LCLAT1: variants seen among roughly 807,000 people sequenced by gnomAD.
LCLAT1 encodes the protein 1-AGP acyltransferase 8.
A neutral mutation model predicts 30.7 loss-of-function variants in LCLAT1; 11 were observed. The observed-to-expected ratio is 0.36, with a 90% CI of 0.23 to 0.59. The LOEUF is 0.59. LCLAT1 is among the 20% of genes least tolerant of loss of function. The pLI is 0.77. For synonymous variants in LCLAT1, 155 were observed against 151.3 expected, an observed-to-expected ratio of 1.02 and a Z score of -0.18; for missense variants, 402 against 458.6, an observed-to-expected ratio of 0.88 and a Z score of 1.13.
intron 1 of LCLAT1, among the ~76,000 whole-genome samples, chr2:30,479,095 A>G (rs1683195191): frequency 6.6e-6 from 1 of 152,254 alleles, no homozygotes; most frequent in African/African-American, 2.4e-5. Context: ...TGGGATATTT[A>G]TACAGTGAAA....
intron 1 of LCLAT1, among the ~76,000 whole-genome samples, chr2:30,495,229 A>G (rs1417956659): frequency 6.6e-6 from 1 of 152,172 alleles, no homozygotes; most frequent in Non-Finnish European, 1.5e-5. Context: ...ACAAATCATT[A>G]TGTACATTCT....
chr2:30,491,364 C>G (rs975336583), intron 1 of LCLAT1, among the ~76,000 whole-genome samples: 1 of 152,198 alleles, frequency 6.6e-6, no homozygotes, highest in Non-Finnish European at 1.5e-5. Flanking sequence ...TAACTCAATA[C>G]TTATCCTAAG....
chr2:30,527,022 TC>T (rs1685753220), intron 2 of LCLAT1, among the ~76,000 whole-genome samples: 1 of 152,154 alleles, frequency 6.6e-6, no homozygotes, highest in Non-Finnish European at 1.5e-5. Context: ...CCACTATCAC[TC>T]TCTATTTACA....
At chr2:30,474,080 T>C (rs1461868656) in intron 1 of LCLAT1, among the ~76,000 whole-genome samples, 1 of 152,184 alleles carries the variant, frequency 6.6e-6, no homozygotes, top group Admixed American at 6.5e-5. Context: ...GAAAAACTCA[T>C]AATCAGGGAA....
intron 5 of LCLAT1, among the ~76,000 whole-genome samples, chr2:30,599,702 C>T (rs1310563210): frequency 6.6e-6 from 1 of 152,034 alleles, no homozygotes; most frequent in Non-Finnish European, 1.5e-5. Flanking sequence ...TTATATAATG[C>T]CCTTCTTTGT....
chr2:30,640,436 C>T lies in LCLAT1; in HGVS notation c.948C>T (p.Thr316=), dbSNP rs751917333. 2 of 1,614,100 alleles carry T rather than the reference C, an allele frequency of 1.2e-6. No homozygotes were observed. The highest frequency in any genetic ancestry group is 1.1e-5 in the South Asian group (1 of 91,074). Residue 316 remains threonine (T), a synonymous_variant, in exon 6 of 6, where the codon ACC becomes ACT. Coordinates refer to ENST00000379509, the MANE Select transcript of LCLAT1 (RefSeq NM_001002257.3). ...AATTGCTCTCTATACTGTATTGGAC[C>T]CTGTTCAGCCCTGCAATGTGCCTAC... The part of the protein sequence containing the change: ...VVKLLSILYW[T]LFSPAMCLLI...
chr2:30,581,907 CAGTGTTCTCAACACAGGAAGTA>C (rs1001415018), intron 5 of LCLAT1, among the ~76,000 whole-genome samples: 2 of 149,828 alleles, frequency 1.3e-5, no homozygotes, highest in Admixed American at 6.6e-5. Context: ...AGCAGCTTTT[CAGTGTTCTCAACACAGGAAGTA>C]AGTGTTTGAG....
chr2:30,453,055 T>C (rs1029878257), intron 1 of LCLAT1, among the ~76,000 whole-genome samples: 1 of 152,160 alleles, frequency 6.6e-6, no homozygotes, highest in African/African-American at 2.4e-5. Context: ...AATGGATTAC[T>C]GTTCTAGGGA....
At chr2:30,501,937 A>G (rs1464232245) in intron 1 of LCLAT1, among the ~76,000 whole-genome samples, 1 of 152,236 alleles carries the variant, frequency 6.6e-6, no homozygotes, top group East Asian at 1.9e-4. Flanking sequence ...CCTCAGTGAT[A>G]TGTATATCAG....
intron 1 of LCLAT1, among the ~76,000 whole-genome samples, chr2:30,448,858 AAGTG>A (rs72423942): frequency 0.11 from 16,209 of 152,270 alleles, 1,189 homozygotes; most frequent in East Asian, 0.28. Context: ...CTTATCTCTA[AAGTG>A]AGTATTTCTT....
chr2:30,639,576 G>A (rs953139769), intron 5 of LCLAT1, among the ~76,000 whole-genome samples: 2 of 152,142 alleles, frequency 1.3e-5, no homozygotes, highest in African/African-American at 2.4e-5. Context: ...TTACAGGTGT[G>A]TGCCCCTGTA....
At chr2:30,586,025 G>A (rs895851831) in intron 5 of LCLAT1, among the ~76,000 whole-genome samples, 3 of 152,044 alleles carry the variant, frequency 2.0e-5, no homozygotes, top group Non-Finnish European at 4.4e-5. Context: ...GGCAGATCAC[G>A]AGGTCCGGAG....
chr2:30,509,777 T>A (rs1314956651), intron 1 of LCLAT1, among the ~76,000 whole-genome samples: 1 of 152,106 alleles, frequency 6.6e-6, no homozygotes, highest in Non-Finnish European at 1.5e-5. Flanking sequence ...TTGGTCAGGC[T>A]GGTCTCAAAC....
At chr2:30,475,657 C>T (rs1281312662) in intron 1 of LCLAT1, among the ~76,000 whole-genome samples, 1 of 152,122 alleles carries the variant, frequency 6.6e-6, no homozygotes, top group African/African-American at 2.4e-5. Context: ...CAACTCAGCC[C>T]AGTATTTTTC....
At chr2:30,474,167 A>G (rs1682935898) in intron 1 of LCLAT1, among the ~76,000 whole-genome samples, 1 of 152,230 alleles carries the variant, frequency 6.6e-6, no homozygotes, top group Admixed American at 6.5e-5. Context: ...AAATGTTGAA[A>G]TGGACCCAAG....
chr2:30,572,460 G>C (rs1665820241), intron 5 of LCLAT1, among the ~76,000 whole-genome samples: 1 of 152,132 alleles, frequency 6.6e-6, no homozygotes, highest in Non-Finnish European at 1.5e-5. Flanking sequence ...TCTGGTGATG[G>C]GGACCTAGAC....
At chr2:30,459,637 G>A in intron 1 of LCLAT1, 2 of 1,613,948 alleles carry the variant, frequency 1.2e-6, no homozygotes, top group South Asian at 2.2e-5. Context: ...AAGGGAAATT[G>A]TGGTGCTTCT....
intron 1 of LCLAT1, among the ~76,000 whole-genome samples, chr2:30,454,383 G>T (rs1681716885): frequency 6.6e-6 from 1 of 152,174 alleles, no homozygotes; most frequent in African/African-American, 2.4e-5. Context: ...TGGACAGTGT[G>T]AATTACTGGG....
intron 1 of LCLAT1, among the ~76,000 whole-genome samples, chr2:30,453,809 C>T (rs186346108): frequency 1.6e-3 from 243 of 152,280 alleles, no homozygotes; most frequent in African/African-American, 5.5e-3. Flanking sequence ...CTTTTAATAA[C>T]GTGTGAGTGC....
Sources: gnomAD v4.1 joint callset for allele counts (sites outside exome capture counted in the v4.1 genomes callset) on GRCh38, gnomAD v4.1.1 for gene constraint, MANE v1.5 for transcripts, NCBI Gene and HGNC (gene_info 2026-07-23, HGNC 2026-07-21) for gene names.